The following CHMP4B variants were observed in gnomAD, a reference collection of about 807,000 sequenced individuals.
CHMP4B encodes SNF7 homolog associated with Alix 1.
In CHMP4B, 1 loss-of-function variant was observed where a neutral mutation model predicts 25.1. The ratio of observed to expected loss-of-function variants is 0.04; its 90% confidence interval spans 0.01 to 0.19. The LOEUF is 0.19. CHMP4B is among the 10% of genes least tolerant of loss of function. The pLI is 1.00. For missense variants in CHMP4B, 151 were observed against 289.7 expected (o/e 0.52, Z 3.48); for synonymous variants, 101 against 115.6 (o/e 0.87, Z 0.81).
Position 33,811,418 on chromosome 20 carries a change from G to C in CHMP4B, c.-51G>C, listed in dbSNP as rs1463474455. The C allele has an allele frequency of 7.0e-7, 1 of 1,429,346 alleles. No individual in the cohort carries two copies. The highest frequency in any genetic ancestry group is 9.2e-7 in the Non-Finnish European group (1 of 1,090,858). The allele number at this position is 1,429,346 out of a possible 1,614,324, so 88.5% of individuals were successfully genotyped here. On this transcript the variant is annotated 5_prime_UTR_variant, in exon 1 of 5. Transcript: ENST00000217402. Reference sequence around the variant, plus strand: ...CCGGAGCCGACCCGAGCCGAGCCGAGCCGAGCCGAGCCGGAGCGGGCGGCG... The same window carrying C: ...CCGGAGCCGACCCGAGCCGAGCCGACCCGAGCCGAGCCGGAGCGGGCGGCG...
chr20:33,819,029 C>G (rs1032382447), intron 1 of CHMP4B, among the ~76,000 whole-genome samples: 2 of 152,140 alleles, frequency 1.3e-5, no homozygotes, highest in African/African-American at 2.4e-5. Context: ...CCTGCCTCAG[C>G]CTCCCGAGTA....
At chr20:33,845,254 G>C (rs190194683) in intron 1 of CHMP4B, among the ~76,000 whole-genome samples, 5 of 152,196 alleles carry the variant, frequency 3.3e-5, no homozygotes, top group Middle Eastern at 3.4e-3. Context: ...AATGAAATAG[G>C]AGGCGGAAGG....
chr20:33,845,470 G>C (rs141335009), intron 1 of CHMP4B, among the ~76,000 whole-genome samples: 1 of 152,014 alleles, frequency 6.6e-6, no homozygotes, highest in Non-Finnish European at 1.5e-5. Context: ...CTACAGGTGC[G>C]CGCCACCATG....
intron 4 of CHMP4B, among the ~76,000 whole-genome samples, chr20:33,853,142 T>G (rs1226697410): frequency 6.6e-6 from 1 of 151,528 alleles, no homozygotes; most frequent in African/African-American, 2.4e-5. Context: ...TGAGGTGGAG[T>G]TGGGGGTTGG....
rs916306135 is a variant in CHMP4B, at chr20:33,853,887, C to A, written c.*327C>A. Reference sequence around the variant, plus strand: ...CTGCTGAATCCTCAATGGAAAGGGTCGACTGGTTGCAGTTGAAATGACCTG... The same window carrying A: ...CTGCTGAATCCTCAATGGAAAGGGTAGACTGGTTGCAGTTGAAATGACCTG... On this transcript the variant is annotated 3_prime_UTR_variant, in exon 5 of 5. Coordinates refer to ENST00000217402, the MANE Select transcript of CHMP4B (RefSeq NM_176812.5). 4.7e-6 allele frequency: 2 copies of A among 425,158 alleles called. No individual in the cohort carries two copies. Among genetic ancestry groups the A allele is most frequent in the East Asian group, 1.0e-4 (2 of 19,442 alleles). 26.3% of individuals were successfully genotyped at this position (425,158 alleles called of 1,614,324 possible). A position where few individuals can be genotyped will look rare whatever the true frequency, so the allele number is the denominator to read the frequency against.
At chr20:33,850,111 A>G (rs756183614) in intron 2 of CHMP4B, among the ~76,000 whole-genome samples, 1 of 152,178 alleles carries the variant, frequency 6.6e-6, no homozygotes, top group Non-Finnish European at 1.5e-5. Context: ...CATGCCCCTT[A>G]ATTTACATAT....
intron 1 of CHMP4B, among the ~76,000 whole-genome samples, chr20:33,811,860 T>C (rs1403024489): frequency 1.3e-5 from 2 of 152,158 alleles, no homozygotes; most frequent in Admixed American, 6.5e-5. Context: ...GTCAGACTTA[T>C]TCTGCCCTCT....
chr20:33,836,005 T>C (rs1008660220), intron 1 of CHMP4B, among the ~76,000 whole-genome samples: 1 of 152,200 alleles, frequency 6.6e-6, no homozygotes. Context: ...CCTCTGACAT[T>C]GGTGATGAAA....
intron 2 of CHMP4B, 55 bp downstream of exon 2, chr20:33,848,699 G>T (rs45563534): frequency 1.9e-6 from 3 of 1,593,402 alleles, no homozygotes; most frequent in African/African-American, 2.7e-5. Flanking sequence ...GGAATGCCTC[G>T]TACCCAGGCC....
intron 1 of CHMP4B, among the ~76,000 whole-genome samples, chr20:33,831,866 G>A (rs1979261679): frequency 6.6e-6 from 1 of 152,212 alleles, no homozygotes; most frequent in South Asian, 2.1e-4. Flanking sequence ...CATTACAGGT[G>A]TGAGCCACCG....
intron 1 of CHMP4B, among the ~76,000 whole-genome samples, chr20:33,827,546 A>G (rs1429366431): frequency 1.3e-5 from 2 of 152,242 alleles, no homozygotes; most frequent in Non-Finnish European, 2.9e-5. Flanking sequence ...ATCAGAGGCC[A>G]GAACTGAATA....
intron 1 of CHMP4B, among the ~76,000 whole-genome samples, chr20:33,816,918 C>G (rs775195560): frequency 6.6e-6 from 1 of 152,218 alleles, no homozygotes; most frequent in Non-Finnish European, 1.5e-5. Context: ...GCCAGAAGCT[C>G]ACAAGAGATA....
chr20:33,816,426 T>A (rs1978784680), intron 1 of CHMP4B, among the ~76,000 whole-genome samples: 1 of 152,236 alleles, frequency 6.6e-6, no homozygotes, highest in Non-Finnish European at 1.5e-5. Context: ...TTGATCAGAC[T>A]TCTTTGGTTT....
intron 1 of CHMP4B, among the ~76,000 whole-genome samples, chr20:33,836,291 C>T (rs78838598): frequency 0.028 from 4,308 of 151,906 alleles, 208 homozygotes; most frequent in African/African-American, 0.099. Flanking sequence ...ATATTTCTGT[C>T]GTCCTATATT....
At chr20:33,851,363 A>C (rs1979841425) in intron 3 of CHMP4B, among the ~76,000 whole-genome samples, 1 of 152,214 alleles carries the variant, frequency 6.6e-6, no homozygotes, top group Admixed American at 6.5e-5. Context: ...AGAGCTGGGC[A>C]GCAGAGATGA....
intron 1 of CHMP4B, among the ~76,000 whole-genome samples, chr20:33,821,367 A>T (rs187039770): frequency 1.0e-4 from 15 of 146,420 alleles, no homozygotes; most frequent in Non-Finnish European, 2.1e-4. Context: ...AGCCTGGGTG[A>T]CAGAGCAAGA....
intron 1 of CHMP4B, among the ~76,000 whole-genome samples, chr20:33,828,879 A>G (rs991650000): frequency 6.6e-6 from 1 of 152,148 alleles, no homozygotes; most frequent in Non-Finnish European, 1.5e-5. Flanking sequence ...AGATCAAGAT[A>G]TGAGAACATT....
In CHMP4B at chr20:33,811,401, G is replaced by A. The variant is rs1051168410; in HGVS notation, c.-68G>A. The A allele has an allele frequency of 2.0e-5, 27 of 1,326,246 alleles. No individual in the cohort carries two copies. In the African/African-American group the frequency reaches 2.5e-4, roughly 12 times the overall value. 82.2% of individuals were successfully genotyped at this position (1,326,246 alleles called of 1,614,324 possible). A position where few individuals can be genotyped will look rare whatever the true frequency, so the allele number is the denominator to read the frequency against. ...GGGACTGGGAGCGGGCGCCGGAGCC[G>A]ACCCGAGCCGAGCCGAGCCGAGCCG... On this transcript the variant is annotated 5_prime_UTR_variant, in exon 1 of 5. Coordinates refer to ENST00000217402, the MANE Select transcript of CHMP4B (RefSeq NM_176812.5).
At position 33,853,800 on chromosome 20, in the gene CHMP4B, T is replaced by C. The variant is rs1021995351; in HGVS notation, c.*240T>C. 1.7e-5 allele frequency: 9 copies of C among 522,842 alleles called. No homozygotes were observed. Among genetic ancestry groups the C allele is most frequent in the African/African-American group, 1.3e-4 (7 of 52,114 alleles). The allele number at this position is 522,842 out of a possible 1,614,324, so 32.4% of individuals were successfully genotyped here. A position where few individuals can be genotyped will look rare whatever the true frequency, so the allele number is the denominator to read the frequency against. On this transcript the variant is annotated 3_prime_UTR_variant, in exon 5 of 5. Transcript: ENST00000217402. ...AGTGCCTGCTGTTTATAATGTTGAA[T>C]TTCTGTAAAATAAACTGTATTTGCA...
Sources: gnomAD v4.1 joint callset for allele counts (sites outside exome capture counted in the v4.1 genomes callset) on GRCh38, gnomAD v4.1.1 for gene constraint, MANE v1.5 for transcripts, NCBI Gene and HGNC (gene_info 2026-07-23, HGNC 2026-07-21) for gene names.